The following PHTF2 variants were observed in gnomAD, a reference collection of about 807,000 sequenced individuals.
The protein encoded by PHTF2 is protein PHTF2.
Under a neutral mutation model 101.2 loss-of-function variants are expected in PHTF2, and 60 were observed. That is an observed-to-expected ratio of 0.59 (90% CI 0.48 to 0.73). The LOEUF (loss-of-function observed/expected upper bound fraction) is 0.73, where lower values mean the gene tolerates loss of function less well. Among genes scored for constraint, PHTF2 ranks in the 30% least tolerant of loss-of-function variants. The pLI is 0.00. For missense variants in PHTF2, 747 were observed against 908.7 expected, an observed-to-expected ratio of 0.82 and a Z score of 2.29; for synonymous variants, 311 against 307.3, an observed-to-expected ratio of 1.01 and a Z score of -0.13.
intron 7 of PHTF2, among the ~76,000 whole-genome samples, chr7:77,902,820 C>T (rs190186161): frequency 2.1e-4 from 32 of 151,966 alleles, no homozygotes; most frequent in South Asian, 2.1e-4. Flanking sequence ...ATAATAAAAA[C>T]TGCAGACTGT....
chr7:77,799,060 A>G, intron 1 of PHTF2, 89 bp downstream of exon 1: 1 of 152,620 alleles, frequency 6.6e-6, no homozygotes, highest in East Asian at 1.9e-4. Flanking sequence ...GGGACGAGGG[A>G]GGAGAGCGGT....
chr7:77,954,616 A>G (rs4729914), intron 19 of PHTF2, among the ~76,000 whole-genome samples: 1,033 of 81,926 alleles, frequency 0.013, 15 homozygotes, highest in East Asian at 0.029. Flanking sequence ...TACTGTGTAT[A>G]TATATATATA....
At chr7:77,841,579 C>T (rs1433027161) in intron 2 of PHTF2, among the ~76,000 whole-genome samples, 1 of 152,070 alleles carries the variant, frequency 6.6e-6, no homozygotes, top group African/African-American at 2.4e-5. Flanking sequence ...GTCCTCCTAC[C>T]TAAACCTCCC....
exon 14 of PHTF2, chr7:77,940,088 T>C (rs1457237280): frequency 1.2e-6 from 2 of 1,613,512 alleles, no homozygotes; most frequent in Non-Finnish European, 8.5e-7. Context: ...GTCTCTCTCA[T>C]ACTGGGTTTA....
At chr7:77,799,438 G>GGGC (rs1193543863) in intron 1 of PHTF2, among the ~76,000 whole-genome samples, 2 of 152,178 alleles carry the variant, frequency 1.3e-5, no homozygotes, top group Admixed American at 6.5e-5. Context: ...GCTCGGGAGG[G>GGGC]GGCGGCGGCT....
intron 3 of PHTF2, among the ~76,000 whole-genome samples, chr7:77,877,537 C>G (rs1029552862): frequency 6.6e-6 from 1 of 152,202 alleles, no homozygotes; most frequent in African/African-American, 2.4e-5. Context: ...CACATAGTAG[C>G]TTGATAAATA....
At chr7:77,890,682 C>T (rs1220606811) in intron 3 of PHTF2, among the ~76,000 whole-genome samples, 2 of 148,744 alleles carry the variant, frequency 1.3e-5, no homozygotes, top group Admixed American at 6.7e-5. Context: ...CTCGGCTCAC[C>T]GCAAGCTCCG....
chr7:77,916,209 A>C (rs848482), intron 9 of PHTF2, among the ~76,000 whole-genome samples: 62,354 of 151,992 alleles, frequency 0.41, 14,993 homozygotes, highest in East Asian at 0.68. Flanking sequence ...CTTCCCTTTT[A>C]AAAATGTAAG....
intron 3 of PHTF2, among the ~76,000 whole-genome samples, chr7:77,877,370 TG>T (rs1054514051): frequency 2.6e-5 from 4 of 152,176 alleles, no homozygotes; most frequent in Non-Finnish European, 5.9e-5. Flanking sequence ...CCCAAAGTCC[TG>T]GGATTACAGG....
chr7:77,810,581 A>G (rs1793360146), intron 1 of PHTF2, among the ~76,000 whole-genome samples: 1 of 152,186 alleles, frequency 6.6e-6, no homozygotes, highest in African/African-American at 2.4e-5. Flanking sequence ...TCTGTCGTCC[A>G]GGCTGGAGTG....
At chr7:77,946,728 C>T (rs1481993577) in intron 16 of PHTF2, among the ~76,000 whole-genome samples, 1 of 152,038 alleles carries the variant, frequency 6.6e-6, no homozygotes, top group African/African-American at 2.4e-5. Context: ...TAAAAATTTC[C>T]TTTAGCTATG....
At chr7:77,954,832 C>T in intron 19 of PHTF2, 26 bp from the exon 19 acceptor site, 1 of 1,394,400 alleles carries the variant, frequency 7.2e-7, no homozygotes, top group Non-Finnish European at 1.0e-6. Flanking sequence ...ACTGGCTTGT[C>T]ACCACTTCTA....
intron 19 of PHTF2, 73 bp downstream of exon 18, chr7:77,953,967 T>C: frequency 1.7e-6 from 2 of 1,203,116 alleles, no homozygotes; most frequent in Non-Finnish European, 2.4e-6. Flanking sequence ...TACCCTCACA[T>C]GCACAGTAAT....
At chr7:77,850,713 C>A (rs928168864) in intron 2 of PHTF2, among the ~76,000 whole-genome samples, 7 of 148,488 alleles carry the variant, frequency 4.7e-5, no homozygotes, top group South Asian at 2.1e-4. Context: ...GGGAAAAAAA[C>A]AAAATGGTCA....
chr7:77,836,328 T>A (rs1279387416), intron 1 of PHTF2, among the ~76,000 whole-genome samples: 1 of 151,992 alleles, frequency 6.6e-6, no homozygotes, highest in Non-Finnish European at 1.5e-5. Context: ...TCAGGCACAC[T>A]TGGTATAACT....
chr7:77,821,126 GT>G (rs56131046), intron 1 of PHTF2, among the ~76,000 whole-genome samples: 29,635 of 149,614 alleles, frequency 0.2, 3,768 homozygotes, highest in African/African-American at 0.37. Context: ...TTGGATGGCA[GT>G]TTTTTTTTTT....
intron 12 of PHTF2, among the ~76,000 whole-genome samples, chr7:77,930,845 C>T (rs1007068897): frequency 6.6e-5 from 10 of 152,094 alleles, no homozygotes; most frequent in African/African-American, 2.2e-4. Context: ...ATTTAAAGTC[C>T]ATATTAAAGA....
chr7:77,811,608 G>C (rs938657604), intron 1 of PHTF2, among the ~76,000 whole-genome samples: 1 of 152,154 alleles, frequency 6.6e-6, no homozygotes, highest in African/African-American at 2.4e-5. Context: ...ATTCATATCA[G>C]TATGGACTCA....
chr7:77,911,874 A>G (rs988397278), intron 9 of PHTF2, among the ~76,000 whole-genome samples: 3 of 152,238 alleles, frequency 2.0e-5, no homozygotes, highest in Admixed American at 6.5e-5. Context: ...TGTTTTGCAC[A>G]TAACTAACTT....
Sources: gnomAD v4.1 joint callset for allele counts (sites outside exome capture counted in the v4.1 genomes callset) on GRCh38, gnomAD v4.1.1 for gene constraint, MANE v1.5 for transcripts, NCBI Gene and HGNC (gene_info 2026-07-23, HGNC 2026-07-21) for gene names.